The following NEB variants were observed in gnomAD, a reference collection of about 807,000 sequenced individuals.
NEB encodes the protein nemaline myopathy type 2.
A neutral mutation model predicts 952.2 loss-of-function variants in NEB; 512 were observed. The ratio of observed to expected loss-of-function variants is 0.54; its 90% CI spans 0.50 to 0.58. The LOEUF is 0.58. Ranked by LOEUF, NEB falls within the 20% of genes least tolerant of loss-of-function variation. The probability of loss-of-function intolerance (pLI) is 0.00; values close to 1 mark genes in which losing one functional copy is unlikely to be tolerated. For synonymous variants in NEB, 2,900 were observed against 3,149.8 expected (o/e 0.92, Z 2.66); for missense variants, 8,428 against 9,231.1 (o/e 0.91, Z 3.56).
chr2:151,500,299 T>A (rs184529385), intron 168 of NEB, among the ~76,000 whole-genome samples: 16 of 152,276 alleles, frequency 1.1e-4, no homozygotes, highest in Admixed American at 1.0e-3. Flanking sequence ...ATTAAAAATA[T>A]TTTGGATTAA....
At chr2:151,685,034 C>T in intron 27 of NEB, 59 bp from the exon 28 acceptor site, 1 of 1,450,694 alleles carries the variant, frequency 6.9e-7, no homozygotes, top group South Asian at 1.2e-5. Flanking sequence ...CCAGAAAAGA[C>T]AGAGATCTTT....
Position 151,485,706 on chromosome 2 carries a change from A to T in NEB, c.*54T>A, listed in dbSNP as rs2049730765. ...GTAACAGTGGAGAGTCTAAACCGAA[A>T]CATTGACTGCAGGATCTGTAAGTCC... On this transcript the variant is annotated 3_prime_UTR_variant, in exon 182 of 182. Transcript: ENST00000397345. 1.3e-6 allele frequency: 2 copies of T among 1,532,492 alleles called. No individual in the cohort carries two copies. The highest frequency in any genetic ancestry group is 2.7e-5 in the African/African-American group (2 of 73,130). 94.9% of individuals were successfully genotyped at this position (1,532,492 alleles called of 1,614,324 possible).
At chr2:151,531,708 G>A in intron 144 of NEB, 84 bp downstream of exon 144, 1 of 1,065,446 alleles carries the variant, frequency 9.4e-7, no homozygotes, top group South Asian at 1.3e-5. Context: ...TAGTCTCCCA[G>A]ACTTTGTGAC....
chr2:151,633,317 G>C (rs2098704479), intron 65 of NEB, among the ~76,000 whole-genome samples: 2 of 152,118 alleles, frequency 1.3e-5, no homozygotes, highest in South Asian at 4.1e-4. Flanking sequence ...GGTTTGCAAA[G>C]AAGCCAAAAA....
intron 76 of NEB, 161 bp downstream of exon 76, chr2:151,615,840 TG>T: frequency 1.6e-6 from 1 of 612,002 alleles, no homozygotes; most frequent in South Asian, 2.2e-5. Context: ...TCTAGAATTT[TG>T]TGCTTTTCTT....
intron 36 of NEB, 31 bp from the exon 37 acceptor site, chr2:151,672,711 C>A: frequency 1.3e-6 from 2 of 1,561,976 alleles, no homozygotes; most frequent in Non-Finnish European, 8.8e-7. Context: ...TAGCAAAGTC[C>A]TAGGCATTGA....
At chr2:151,613,396 T>C (rs946656346) in intron 77 of NEB, among the ~76,000 whole-genome samples, 3 of 152,216 alleles carry the variant, frequency 2.0e-5, no homozygotes, top group Non-Finnish European at 4.4e-5. Flanking sequence ...AATTAGCTTG[T>C]TTAGAACAGG....
Position 151,537,098 on chromosome 2 carries a change from A to G in NEB, c.21207+34T>C, listed in dbSNP as rs774246538. The G allele has an allele frequency of 1.5e-5, 20 of 1,365,314 alleles. No individual in the cohort carries two copies. The African/African-American group carries it at 2.3e-4, about 16-fold the overall frequency. 84.6% of individuals were successfully genotyped at this position (1,365,314 alleles called of 1,614,324 possible). On this transcript the variant is annotated intron_variant, in intron 141 of 181. Transcript: ENST00000397345. Reference sequence around the variant, plus strand: ...CTCTCTGGGTACAGGTATATGTCGAATGGATGAGGCCAATTCTCCTTGAGT... The same window carrying G: ...CTCTCTGGGTACAGGTATATGTCGAGTGGATGAGGCCAATTCTCCTTGAGT...
At chr2:151,639,198 C>T in intron 63 of NEB, 82 bp downstream of exon 63, 1 of 1,067,016 alleles carries the variant, frequency 9.4e-7, no homozygotes, top group Non-Finnish European at 1.4e-6. Context: ...CTTTCTAAAG[C>T]TGTCATTTGG....
chr2:151,631,430 G>T, intron 65 of NEB, 84 bp from the exon 66 acceptor site: 1 of 1,401,110 alleles, frequency 7.1e-7, no homozygotes, highest in Non-Finnish European at 9.7e-7. Context: ...GTAATAAAGT[G>T]CAATTCTGTT....
At position 151,724,926 on chromosome 2, in the gene NEB, A is replaced by G; in HGVS notation, c.438T>C (p.Thr146=). ...KYRMDGDVAK[T]ICHVDEKAKD... is the part of the protein sequence containing the mutation. Reference sequence around the variant, plus strand: ...TTGCTTTTTCATCTACGTGACATATAGTCTTAGCAACATCACCATCCATTC... The same window carrying G: ...TTGCTTTTTCATCTACGTGACATATGGTCTTAGCAACATCACCATCCATTC... The change falls in exon 7 of 182, where the codon ACT becomes ACC. Residue 146 remains threonine, a synonymous_variant. Coordinates refer to ENST00000397345, the MANE Select transcript of NEB (RefSeq NM_001164508.2). 1 of 1,613,866 alleles carries G rather than the reference A, an allele frequency of 6.2e-7. No individual in the cohort carries two copies. Among genetic ancestry groups the G allele is most frequent in the Non-Finnish European group, 8.5e-7 (1 of 1,179,840 alleles).
chr2:151,608,905 C>CAAAAAAAAAAAAAAA (rs1163520121), intron 81 of NEB, among the ~76,000 whole-genome samples: 3 of 34,436 alleles, frequency 8.7e-5, no homozygotes, highest in African/African-American at 3.8e-4. Flanking sequence ...CTCCGTCTCA[C>CAAAAAAAAAAAAAAA]AAAAAAAAAA....
chr2:151,699,762 A>G (rs2099631750), intron 13 of NEB, among the ~76,000 whole-genome samples: 1 of 140,232 alleles, frequency 7.1e-6, no homozygotes, highest in South Asian at 2.4e-4. Flanking sequence ...TCTGGATATT[A>G]GCCCTTTGTC....
At chr2:151,563,014 T>G (rs2096173185) in intron 119 of NEB, among the ~76,000 whole-genome samples, 4 of 122,726 alleles carry the variant, frequency 3.3e-5, no homozygotes. Context: ...TTCCCATCTT[T>G]TTTTTTTTTT....
chr2:151,652,760 G>C (rs1389139571), intron 52 of NEB, among the ~76,000 whole-genome samples: 3 of 152,136 alleles, frequency 2.0e-5, no homozygotes, highest in African/African-American at 7.2e-5. Flanking sequence ...TTCACTTATA[G>C]TTCATTTGAG....
rs746179607 is a variant in NEB at position 151,612,323 on chromosome 2, C to T, written c.11668G>A (p.Val3890Ile). 1 of 1,613,846 alleles carries T rather than the reference C, an allele frequency of 6.2e-7. No homozygotes were observed. The change falls in exon 78 of 182, where the codon GTC becomes ATC. Residue 3890 changes from valine (V) to isoleucine (I), a missense_variant. Val to Ile is a conservative substitution (Grantham distance 29). Transcript: ENST00000397345. Reference sequence around the variant, plus strand: ...TCTCCAGCTCTCTTCACTTTCTCGACCTCTACAGAGCCAATGGGAACCCAT... The same window carrying T: ...TCTCCAGCTCTCTTCACTTTCTCGATCTCTACAGAGCCAATGGGAACCCAT... The part of the protein sequence containing the change: ...IGWVPIGSVE[V>I]EKVKRAGEIL...
rs774859475 is a variant in NEB, at chr2:151,627,721, G to A, written c.9945C>T (p.Asp3315=). ...TCTCAAAGTCCTTCTTATACTCCCTGTCACTCTGGATCTTGGCCACATGCA... is the reference window on the plus strand; with the variant it reads ...TCTCAAAGTCCTTCTTATACTCCCTATCACTCTGGATCTTGGCCACATGCA... The part of the protein sequence containing the change: ...WSMHVAKIQS[D]REYKKDFEKW... The change falls in exon 69 of 182, where the codon GAC becomes GAT. Residue 3315 remains aspartate, a synonymous_variant. Coordinates refer to ENST00000397345, the MANE Select transcript of NEB (RefSeq NM_001164508.2). The A allele has an allele frequency of 6.2e-7, 1 of 1,613,878 alleles. No individual in the cohort carries two copies. Among genetic ancestry groups the A allele is most frequent in the Non-Finnish European group, 8.5e-7 (1 of 1,179,872 alleles).
intron 116 of NEB, 57 bp from the exon 117 acceptor site, chr2:151,565,205 G>T: frequency 2.1e-6 from 2 of 932,396 alleles, no homozygotes; most frequent in Non-Finnish European, 3.2e-6. Context: ...ATTTTTATAA[G>T]ATTACCTAGA....
In NEB at chr2:151,688,204, C is replaced by T. The variant is rs889606443; in HGVS notation, c.2415+88G>A. 35 of 1,116,642 alleles carry T rather than the reference C, an allele frequency of 3.1e-5. No homozygotes were observed. In the South Asian group the frequency reaches 5.1e-4, roughly 16 times the overall value. The allele number at this position is 1,116,642 out of a possible 1,614,324, so 69.2% of individuals were successfully genotyped here. ...TAACCATCTTAAAGTTGTTTATTTG[C>T]ACAATTCCTTGTCTTGTCTTTTAAA... On this transcript the variant is annotated intron_variant, in intron 25 of 181. Transcript: ENST00000397345.
Sources: allele counts gnomAD v4.1 joint callset (sites outside exome capture counted in the v4.1 genomes callset), GRCh38; gene constraint gnomAD v4.1.1; transcripts MANE v1.5; gene names NCBI Gene and HGNC (gene_info 2026-07-23, HGNC 2026-07-21).